Variants in PDE11A observed in about 807,000 individuals in gnomAD.
The protein encoded by PDE11A is dual 3',5'-cyclic-AMP and -GMP phosphodiesterase 11A.
Under a neutral mutation model 100.5 loss-of-function variants are expected in PDE11A, and 100 were observed. That is an observed-to-expected ratio of 1.00 (90% CI 0.85 to 1.18). The LOEUF is 1.18. Among genes scored for constraint, PDE11A ranks in the 50% most tolerant of loss-of-function variants. The pLI is 0.00. For synonymous variants in PDE11A, 381 were observed against 420.8 expected, an observed-to-expected ratio of 0.91 and a Z score of 1.16; for missense variants, 1,141 against 1,152.6, an observed-to-expected ratio of 0.99 and a Z score of 0.15.
intron 1 of PDE11A, among the ~76,000 whole-genome samples, chr2:178,019,196 G>A (rs752629369): frequency 6.6e-6 from 1 of 152,024 alleles, no homozygotes; most frequent in Non-Finnish European, 1.5e-5. Context: ...CATGTCCTTG[G>A]GAAACATTAA....
chr2:177,653,112 G>A (rs1397087002), intron 19 of PDE11A, among the ~76,000 whole-genome samples: 1 of 152,204 alleles, frequency 6.6e-6, no homozygotes, highest in African/African-American at 2.4e-5. Flanking sequence ...TGAAGTGCAA[G>A]TCCATGCAGA....
chr2:177,934,260 T>G (rs947515511), intron 2 of PDE11A, among the ~76,000 whole-genome samples: 2 of 152,060 alleles, frequency 1.3e-5, no homozygotes, highest in African/African-American at 4.8e-5. Flanking sequence ...ATATCCAGAA[T>G]CTAAGAGGAA....
intron 1 of PDE11A, among the ~76,000 whole-genome samples, chr2:178,062,372 G>A (rs1335563482): frequency 6.6e-6 from 1 of 151,360 alleles, no homozygotes; most frequent in Non-Finnish European, 1.5e-5. Context: ...CTTAGCAGTT[G>A]CACAGAGTAA....
At chr2:177,770,450 A>AT (rs1455330274) in intron 9 of PDE11A, among the ~76,000 whole-genome samples, 1 of 152,266 alleles carries the variant, frequency 6.6e-6, no homozygotes, top group Non-Finnish European at 1.5e-5. Context: ...AAAAACCCCA[A>AT]TTCGCAGGCT....
rs528869550 is a variant in PDE11A, at chr2:177,675,606, T to C, written c.2424-88A>G. On this transcript the variant is annotated intron_variant, in intron 16 of 19. Coordinates refer to ENST00000286063, the MANE Select transcript of PDE11A (RefSeq NM_016953.4). ...GTCCTAGATACATAAATAAATAAAATAAAATGGAAACGAGGCCAGCTCACA... is the reference window on the plus strand; with the variant it reads ...GTCCTAGATACATAAATAAATAAAACAAAATGGAAACGAGGCCAGCTCACA... 27 of 996,712 alleles carry C rather than the reference T, an allele frequency of 2.7e-5. 1 individual carries two copies. The East Asian group carries it at 6.7e-4, about 25-fold the overall frequency. The allele number at this position is 996,712 out of a possible 1,614,324, so 61.7% of individuals were successfully genotyped here.
At chr2:178,082,371 C>T (rs556660062) in intron 2 of PDE11A, among the ~76,000 whole-genome samples, 67 of 152,228 alleles carry the variant, frequency 4.4e-4, no homozygotes, top group East Asian at 3.3e-3. Flanking sequence ...TTTTAAAATA[C>T]GTATACCATT....
intron 2 of PDE11A, among the ~76,000 whole-genome samples, chr2:178,006,110 G>A (rs916539090): frequency 6.6e-6 from 1 of 152,056 alleles, no homozygotes; most frequent in Non-Finnish European, 1.5e-5. Flanking sequence ...CCTTCATTTT[G>A]TTCAATTATT....
chr2:177,689,047 G>A lies in PDE11A; in HGVS notation c.2346-8144C>T, dbSNP rs530791479. Reference sequence around the variant, plus strand: ...ATTAGGAAGGTTTTACTGCTGAGGTGGCAAATCATCACTGTAACTCTCCTC... The same window carrying A: ...ATTAGGAAGGTTTTACTGCTGAGGTAGCAAATCATCACTGTAACTCTCCTC... On this transcript the variant is annotated intron_variant, in intron 15 of 19. Transcript: ENST00000286063. Among the ~76,000 whole-genome samples, 5 of 152,212 alleles carry A rather than the reference G, an allele frequency of 3.3e-5. No individual in the cohort carries two copies. The South Asian group carries it at 8.3e-4, about 25-fold the overall frequency.
At chr2:178,044,189 G>C (rs1261493964) in intron 1 of PDE11A, among the ~76,000 whole-genome samples, 2 of 151,878 alleles carry the variant, frequency 1.3e-5, no homozygotes, top group African/African-American at 4.8e-5. Context: ...CTCCCCAAAA[G>C]CTTGAAGCTC....
chr2:177,917,072 G>A (rs1424012356), intron 2 of PDE11A, among the ~76,000 whole-genome samples: 1 of 151,586 alleles, frequency 6.6e-6, no homozygotes, highest in Non-Finnish European at 1.5e-5. Flanking sequence ...CACCATGCCC[G>A]GCCAACTTGA....
At chr2:177,640,608 C>T (rs747677425) in intron 19 of PDE11A, among the ~76,000 whole-genome samples, 50 of 152,220 alleles carry the variant, frequency 3.3e-4, no homozygotes, top group Non-Finnish European at 4.7e-4. Context: ...CTGCTAATCC[C>T]TCTTAGGTCC....
chr2:178,056,968 G>T (rs2086907642), intron 1 of PDE11A, among the ~76,000 whole-genome samples: 1 of 152,212 alleles, frequency 6.6e-6, no homozygotes, highest in Admixed American at 6.5e-5. Flanking sequence ...AACGGCAGGT[G>T]TGGGATGTCC....
chr2:177,854,234 A>T, intron 5 of PDE11A, among the ~76,000 whole-genome samples: 1 of 152,024 alleles, frequency 6.6e-6, no homozygotes, highest in East Asian at 1.9e-4. Context: ...CTCGTCTGTG[A>T]CAGTTTTACT....
intron 2 of PDE11A, among the ~76,000 whole-genome samples, chr2:177,984,663 T>C (rs1028957550): frequency 6.6e-6 from 1 of 152,162 alleles, no homozygotes; most frequent in African/African-American, 2.4e-5. Context: ...AGATGCCAGA[T>C]ATTGTGATAA....
chr2:178,015,563 T>G (rs532906852), intron 1 of PDE11A, among the ~76,000 whole-genome samples: 1 of 152,296 alleles, frequency 6.6e-6, no homozygotes, highest in South Asian at 2.1e-4. Flanking sequence ...AAAGGATATT[T>G]CTGGAGGGAC....
intron 1 of PDE11A, among the ~76,000 whole-genome samples, chr2:178,056,907 A>T (rs915152174): frequency 1.3e-5 from 2 of 151,992 alleles, no homozygotes; most frequent in African/African-American, 2.4e-5. Flanking sequence ...GGATAGGAGG[A>T]GGGAGAAGGG....
chr2:177,860,592 C>T (rs1214593537), intron 5 of PDE11A, among the ~76,000 whole-genome samples: 6 of 151,692 alleles, frequency 4.0e-5, no homozygotes, highest in Admixed American at 1.3e-4. Context: ...GAGACTGCTT[C>T]CCAGCTCATT....
chr2:177,772,872 G>A (rs1332888238), intron 9 of PDE11A, among the ~76,000 whole-genome samples: 3 of 152,122 alleles, frequency 2.0e-5, no homozygotes, highest in African/African-American at 7.2e-5. Flanking sequence ...TTGGATTCAA[G>A]TCCTCTGTCA....
chr2:177,675,176 G>A (rs899281030), intron 17 of PDE11A, among the ~76,000 whole-genome samples: 2 of 150,514 alleles, frequency 1.3e-5, no homozygotes, highest in African/African-American at 2.4e-5. Flanking sequence ...TGAAACTCTT[G>A]CCTTAATGGT....
Sources: gnomAD v4.1 joint callset for allele counts (sites outside exome capture counted in the v4.1 genomes callset) on GRCh38, gnomAD v4.1.1 for gene constraint, MANE v1.5 for transcripts, NCBI Gene and HGNC (gene_info 2026-07-23, HGNC 2026-07-21) for gene names.